The following PAXBP1 variants were observed in gnomAD, a reference collection of about 807,000 sequenced individuals.
The protein encoded by PAXBP1 is PAX3- and PAX7-binding protein 1.
A neutral mutation model predicts 119.9 loss-of-function variants in PAXBP1; 44 were observed. The ratio of observed to expected loss-of-function variants is 0.37; its 90% CI spans 0.29 to 0.47. PAXBP1 has a LOEUF of 0.47. Among genes scored for constraint, PAXBP1 ranks in the 20% least tolerant of loss-of-function variants. The pLI, the probability that PAXBP1 is intolerant of heterozygous loss-of-function variation, is 0.99. For missense variants in PAXBP1, 898 were observed against 1,134.1 expected (o/e 0.79, Z 2.99); for synonymous variants, 393 against 406.6 (o/e 0.97, Z 0.40).
At position 32,734,141 on chromosome 21, in the gene PAXBP1, CAT is replaced by C. The variant is rs1227484057; in HGVS notation, c.*807_*808del. 6.6e-6 allele frequency: 1 copy of C among 152,592 alleles called. No individual in the cohort carries two copies. The highest frequency in any genetic ancestry group is 6.5e-5 in the Admixed American group (1 of 15,276). The allele number at this position is 152,592 out of a possible 1,614,324, so 9.5% of individuals were successfully genotyped here. A position where few individuals can be genotyped will look rare whatever the true frequency, so the allele number is the denominator to read the frequency against. Reference sequence around the variant, plus strand: ...TATTCTTTATTGCATATTTAACTCACATATGTGGGATTTTAAATATGACAGAC... The same window carrying C: ...TATTCTTTATTGCATATTTAACTCACATGTGGGATTTTAAATATGACAGAC... On this transcript the variant is annotated 3_prime_UTR_variant, in exon 18 of 18. Transcript: ENST00000331923.
intron 17 of PAXBP1, among the ~76,000 whole-genome samples, chr21:32,735,300 C>G (rs2043677731): frequency 6.6e-6 from 1 of 151,918 alleles, no homozygotes; most frequent in African/African-American, 2.4e-5. Flanking sequence ...ACAGGGGACC[C>G]ATTTTAAAAA....
At chr21:32,759,709 C>G in intron 6 of PAXBP1, 68 bp downstream of exon 6, 1 of 1,328,844 alleles carries the variant, frequency 7.5e-7, no homozygotes, top group Non-Finnish European at 1.1e-6. Flanking sequence ...TCTGCTACCC[C>G]AGACTACATG....
In PAXBP1 at chr21:32,738,044, G is replaced by A. The variant is rs899060295; in HGVS notation, c.2481+129C>T. On this transcript the variant is annotated intron_variant, in intron 16 of 17. Coordinates refer to ENST00000331923, the MANE Select transcript of PAXBP1 (RefSeq NM_016631.4). The stretch of plus-strand genomic sequence containing the variant: ...TTGGAACTACCTGGGTAGGCAAACT[G>A]TCAACCTTACATGCAAGTCCAGTAA... The A allele has an allele frequency of 1.6e-4, 155 of 945,862 alleles. 1 individual carries two copies. Among genetic ancestry groups the A allele is most frequent in the South Asian group, 1.4e-3 (66 of 48,548 alleles). 58.6% of individuals were successfully genotyped at this position (945,862 alleles called of 1,614,324 possible). A position where few individuals can be genotyped will look rare whatever the true frequency, so the allele number is the denominator to read the frequency against.
At chr21:32,762,073 A>G (rs1170246628) in intron 4 of PAXBP1, 23 bp downstream of exon 4, 5 of 1,612,916 alleles carry the variant, frequency 3.1e-6, no homozygotes, top group African/African-American at 1.3e-5. Context: ...CAATAGGCTT[A>G]CTATTCAATT....
intron 11 of PAXBP1, among the ~76,000 whole-genome samples, chr21:32,748,192 C>T (rs2043903511): frequency 6.6e-6 from 1 of 152,070 alleles, no homozygotes; most frequent in South Asian, 2.1e-4. Context: ...GATCAAAGGA[C>T]CAAGTTCTTA....
At chr21:32,768,107 AG>A (rs1479017932) in intron 2 of PAXBP1, among the ~76,000 whole-genome samples, 1 of 152,242 alleles carries the variant, frequency 6.6e-6, no homozygotes, top group Non-Finnish European at 1.5e-5. Flanking sequence ...CGTTATTAAC[AG>A]GTGGGGCCCT....
intron 15 of PAXBP1, chr21:32,741,393 C>G (rs1279598554): frequency 4.0e-6 from 2 of 497,798 alleles, no homozygotes; most frequent in African/African-American, 2.0e-5. Context: ...TGTAACATGA[C>G]AGCCTTCAGA....
At chr21:32,760,743 G>A (rs113104228) in intron 5 of PAXBP1, among the ~76,000 whole-genome samples, 2,155 of 152,158 alleles carry the variant, frequency 0.014, 51 homozygotes, top group African/African-American at 0.047. Flanking sequence ...GGTAATTTGC[G>A]TTTCTAATGA....
intron 17 of PAXBP1, among the ~76,000 whole-genome samples, chr21:32,735,847 A>G (rs1418590167): frequency 6.6e-6 from 1 of 152,254 alleles, no homozygotes; most frequent in East Asian, 1.9e-4. Flanking sequence ...TAATTGTCTC[A>G]TCTCTTCTAC....
chr21:32,755,852 C>T (rs2044034787), intron 7 of PAXBP1: 1 of 162,868 alleles, frequency 6.1e-6, no homozygotes, highest in Admixed American at 6.1e-5. Context: ...TTCAGTTGCT[C>T]TGCCACTCAT....
chr21:32,759,687 T>C, intron 6 of PAXBP1, 90 bp downstream of exon 6: 6 of 1,077,846 alleles, frequency 5.6e-6, no homozygotes, highest in Non-Finnish European at 8.3e-6. Flanking sequence ...TCTTCTTTGC[T>C]GATATTCTGC....
chr21:32,759,948 G>A lies in PAXBP1; in HGVS notation c.1022C>T (p.Thr341Ile). Residue 341 changes from threonine (T) to isoleucine (I), a missense_variant, in exon 6 of 18, where the codon ACT becomes ATT. Physicochemically the swap from Thr to Ile is moderately conservative, Grantham distance 89. Around this residue, in one of 2 missense-constraint regions of PAXBP1, gnomAD observed 599 missense variants for 852.7 expected, o/e 0.70. Coordinates refer to ENST00000331923, the MANE Select transcript of PAXBP1 (RefSeq NM_016631.4). ...TGAGCCGTAAGGCATTGTCTGGTAA[G>A]TGTTCTGGTAGTACATATTCACTTC... ...PAEVNMYYQN[T>I]YQTMPYGSSY... 6.2e-7 allele frequency: 1 copy of A among 1,614,116 alleles called. No homozygotes were observed.
intron 15 of PAXBP1, chr21:32,741,644 C>A: frequency 1.4e-6 from 1 of 699,078 alleles, no homozygotes; most frequent in South Asian, 1.5e-5. Flanking sequence ...CAAGGTAGGT[C>A]AGATGTTTTA....
chr21:32,768,383 C>T (rs936691169), intron 2 of PAXBP1, among the ~76,000 whole-genome samples: 4 of 152,208 alleles, frequency 2.6e-5, no homozygotes, highest in African/African-American at 9.7e-5. Context: ...GATTAAGACA[C>T]TCCAGGACAA....
intron 17 of PAXBP1, among the ~76,000 whole-genome samples, chr21:32,736,993 A>G (rs937606249): frequency 1.3e-5 from 2 of 152,196 alleles, no homozygotes; most frequent in African/African-American, 2.4e-5. Flanking sequence ...TCAAAGAGGG[A>G]GACAGAGAAA....
rs756044545 is a variant in PAXBP1 at position 32,745,534 on chromosome 21, AGT to A, written c.2068+38_2068+39del. The stretch of plus-strand genomic sequence containing the variant: ...TCATAAAAATAGATTTGAGAAAGCC[AGT>A]GTGTCTGAATGCTCAATTCAGAGAA... On this transcript the variant is annotated intron_variant, in intron 12 of 17. Transcript: ENST00000331923. 4.4e-6 allele frequency: 7 copies of A among 1,606,310 alleles called. No homozygotes were observed. In the African/African-American group the frequency reaches 5.4e-5, roughly 12 times the overall value.
At chr21:32,739,310 T>C (rs1345040659) in intron 15 of PAXBP1, among the ~76,000 whole-genome samples, 1 of 152,198 alleles carries the variant, frequency 6.6e-6, no homozygotes, top group Non-Finnish European at 1.5e-5. Flanking sequence ...ACTGGCTGAG[T>C]TTGATTCCCA....
chr21:32,765,435 G>A (rs946884668), intron 2 of PAXBP1, among the ~76,000 whole-genome samples: 7 of 152,092 alleles, frequency 4.6e-5, no homozygotes, highest in East Asian at 1.9e-4. Context: ...GGCAAAAATC[G>A]AAGTGCTTCA....
rs1465265381 is a variant in PAXBP1 at position 32,771,565 on chromosome 21, G to A, written c.104C>T (p.Pro35Leu). Reference sequence around the variant, plus strand: ...GCCCGCCTCTTCGCCCGTGCCCGGCGGCGGCAACAACGGCGGCGGCTCCTG... The same window carrying A: ...GCCCGCCTCTTCGCCCGTGCCCGGCAGCGGCAACAACGGCGGCGGCTCCTG... ...EEQEPPPLLP[P>L]PGTGEEAGPG... Residue 35 changes from proline (P) to leucine (L), a missense_variant, in exon 1 of 18, where the codon CCG (proline) becomes CTG (leucine). This residue lies in a region of PAXBP1 where 299 missense variants were observed against 281.4 expected (regional missense o/e 1.06). Transcript: ENST00000331923. 1.4e-6 allele frequency: 2 copies of A among 1,425,636 alleles called. No homozygotes were observed. The highest frequency in any genetic ancestry group is 1.4e-5 in the South Asian group (1 of 71,910). 88.3% of individuals were successfully genotyped at this position (1,425,636 alleles called of 1,614,324 possible).
Sources: gnomAD v4.1 joint callset for allele counts (sites outside exome capture counted in the v4.1 genomes callset) on GRCh38, gnomAD v4.1.1 for gene constraint, gnomAD v4.1.1 regional missense constraint, MANE v1.5 for transcripts, NCBI Gene and HGNC (gene_info 2026-07-23, HGNC 2026-07-21) for gene names.